The following P3H2 variants were observed in gnomAD, a reference collection of about 807,000 sequenced individuals.
P3H2 encodes the protein leprecan-like 1.
P3H2 carries 80 observed loss-of-function variants against 87.0 expected under a neutral mutation model. That is an observed-to-expected ratio of 0.92 (90% confidence interval 0.77 to 1.11). The LOEUF is 1.11. Among genes scored for constraint, P3H2 ranks in the 50% least tolerant of loss-of-function variants. P3H2 has a pLI of 0.00. For missense variants in P3H2, 1,001 were observed against 923.9 expected (o/e 1.08, Z -1.08); for synonymous variants, 367 against 359.3 (o/e 1.02, Z -0.24).
chr3:190,010,781 T>A (rs1424346120), intron 1 of P3H2, among the ~76,000 whole-genome samples: 1 of 152,222 alleles, frequency 6.6e-6, no homozygotes, highest in Non-Finnish European at 1.5e-5. Context: ...AGTAGCTTCA[T>A]TTGCAATTGA....
At chr3:190,040,135 CACACAAAAAACCCGTCTT>C (rs779270714) in intron 1 of P3H2, among the ~76,000 whole-genome samples, 4 of 152,304 alleles carry the variant, frequency 2.6e-5, no homozygotes, top group Non-Finnish European at 5.9e-5. Flanking sequence ...GCATCACACA[CACACAAAAAACCCGTCTT>C]ACACTTTTAT....
At chr3:189,988,556 GT>G (rs1723777751) in intron 4 of P3H2, among the ~76,000 whole-genome samples, 1 of 152,094 alleles carries the variant, frequency 6.6e-6, no homozygotes, top group Non-Finnish European at 1.5e-5. Context: ...GATTCACTGT[GT>G]GCCATCAACG....
intron 13 of P3H2, among the ~76,000 whole-genome samples, chr3:189,966,474 G>A (rs1002790103): frequency 2.6e-5 from 4 of 152,228 alleles, no homozygotes; most frequent in Admixed American, 6.5e-5. Context: ...GATTATAGCC[G>A]TGGATTCACA....
intron 1 of P3H2, among the ~76,000 whole-genome samples, chr3:190,064,711 T>A (rs1726442718): frequency 6.6e-6 from 1 of 152,120 alleles, no homozygotes; most frequent in Non-Finnish European, 1.5e-5. Context: ...ATAACAAAGA[T>A]GTCTATATTT....
chr3:189,965,148 C>T (rs1376199122), intron 13 of P3H2, among the ~76,000 whole-genome samples: 3 of 152,232 alleles, frequency 2.0e-5, no homozygotes, highest in South Asian at 4.1e-4. Context: ...CTTGAGTTGA[C>T]ATATGCCCGT....
At chr3:190,056,563 A>T (rs1409183490) in intron 1 of P3H2, among the ~76,000 whole-genome samples, 1 of 152,178 alleles carries the variant, frequency 6.6e-6, no homozygotes, top group Admixed American at 6.5e-5. Flanking sequence ...TGAAAAGCCA[A>T]ATCTACAGGG....
intron 1 of P3H2, among the ~76,000 whole-genome samples, chr3:190,006,300 T>C (rs562426316): frequency 6.6e-6 from 1 of 152,324 alleles, no homozygotes; most frequent in African/African-American, 2.4e-5. Context: ...ATTTTACAGG[T>C]GGATAAAGAA....
chr3:190,058,271 C>T (rs1726223827), intron 1 of P3H2, among the ~76,000 whole-genome samples: 1 of 152,122 alleles, frequency 6.6e-6, no homozygotes, highest in African/African-American at 2.4e-5. Flanking sequence ...TGGGGATAAG[C>T]TACCCTCTCT....
intron 1 of P3H2, among the ~76,000 whole-genome samples, chr3:190,091,882 C>T (rs1349547248): frequency 1.3e-5 from 2 of 152,136 alleles, no homozygotes; most frequent in African/African-American, 4.8e-5. Flanking sequence ...ATAGGAACAA[C>T]GTGGAACTAG....
rs9851282 is a variant in P3H2 at position 190,106,838 on chromosome 3, T to C, written c.480+13414A>G. 7.8e-3 allele frequency among the ~76,000 whole-genome samples: 1,183 copies of C among 152,288 alleles called. 12 individuals are homozygous for C. Among genetic ancestry groups the C allele is most frequent in the African/African-American group, 0.027 (1,120 of 41,562 alleles). ...AATCTTTCAGGCTTCAGTATCCCTA[T>C]TGAAAAATGAAGAATATACTAGAGT... is the stretch of plus-strand genomic sequence containing the variant. On this transcript the variant is annotated intron_variant, in intron 1 of 14. Transcript: ENST00000319332.
chr3:190,024,460 T>C (rs1002847656), intron 1 of P3H2, among the ~76,000 whole-genome samples: 1 of 141,324 alleles, frequency 7.1e-6, no homozygotes, highest in Non-Finnish European at 1.5e-5. Flanking sequence ...GGAGAATCAC[T>C]TGAACTGGGG....
intron 1 of P3H2, among the ~76,000 whole-genome samples, chr3:190,119,990 C>A (rs1456311010): frequency 6.6e-6 from 1 of 152,158 alleles, no homozygotes; most frequent in African/African-American, 2.4e-5. Flanking sequence ...TGAATGGGTA[C>A]TTTAAACATC....
intron 1 of P3H2, among the ~76,000 whole-genome samples, chr3:190,114,375 A>G (rs1331306437): frequency 6.6e-6 from 1 of 151,438 alleles, no homozygotes; most frequent in Admixed American, 6.6e-5. Flanking sequence ...TTTAGTAGAG[A>G]CGGGGTTTCA....
At chr3:190,023,038 G>A (rs981458438) in intron 1 of P3H2, among the ~76,000 whole-genome samples, 15 of 151,790 alleles carry the variant, frequency 9.9e-5, no homozygotes, top group South Asian at 4.2e-4. Flanking sequence ...GTGTTAGCCA[G>A]GATGGTCTCG....
rs1345518825 is a variant in P3H2 at position 190,019,783 on chromosome 3, AAAATATATATATATATAT to A, written c.481-24359_481-24342del. On this transcript the variant is annotated intron_variant, in intron 1 of 14. Coordinates refer to ENST00000319332, the MANE Select transcript of P3H2 (RefSeq NM_018192.4). ...CCATGTGACATTACCTAGAAATTAA[AAAATATATATATATATAT>A]ATATATATATATATACTCACAAACC... 1.1e-4 allele frequency among the ~76,000 whole-genome samples: 11 copies of A among 99,172 alleles called. 2 individuals are homozygous for A. Among genetic ancestry groups the A allele is most frequent in the African/African-American group, 1.3e-4 (3 of 23,674 alleles). The allele number at this position is 99,172 out of a possible 152,430, so 65.1% of individuals were successfully genotyped here. A position where few individuals can be genotyped will look rare whatever the true frequency, so the allele number is the denominator to read the frequency against.
intron 3 of P3H2, among the ~76,000 whole-genome samples, chr3:189,993,089 G>A (rs140451523): frequency 0.01 from 1,563 of 152,158 alleles, 22 homozygotes; most frequent in African/African-American, 0.036. Context: ...TTGGGAAGCC[G>A]AGGTGGGCGG....
At chr3:190,013,892 A>C (rs1459346972) in intron 1 of P3H2, among the ~76,000 whole-genome samples, 3 of 152,228 alleles carry the variant, frequency 2.0e-5, no homozygotes. Context: ...ATTTGGTGTG[A>C]GTAGAGTATC....
intron 1 of P3H2, among the ~76,000 whole-genome samples, chr3:190,034,853 C>CTTTTT (rs58325211): frequency 2.1e-5 from 3 of 140,290 alleles, no homozygotes; most frequent in East Asian, 2.0e-4. Context: ...CTTTTCTTTT[C>CTTTTT]TTTTTTTTTT....
intron 1 of P3H2, among the ~76,000 whole-genome samples, chr3:190,076,128 G>C (rs1329988593): frequency 6.6e-6 from 1 of 151,384 alleles, no homozygotes; most frequent in Non-Finnish European, 1.5e-5. Flanking sequence ...TGTCAGCAGT[G>C]GTGATTTCCA....
Sources: allele counts gnomAD v4.1 joint callset (sites outside exome capture counted in the v4.1 genomes callset), GRCh38; gene constraint gnomAD v4.1.1; transcripts MANE v1.5; gene names NCBI Gene and HGNC (gene_info 2026-07-23, HGNC 2026-07-21).